Variants in HMGXB3 observed in about 807,000 individuals in gnomAD.
The protein encoded by HMGXB3 is HMG-box containing 3.
In HMGXB3, 45 loss-of-function variants were observed where a neutral mutation model predicts 121.5. The ratio of observed to expected loss-of-function variants is 0.37; its 90% confidence interval spans 0.29 to 0.47. HMGXB3 has a LOEUF of 0.47. HMGXB3 is among the 20% of genes least tolerant of loss of function. HMGXB3 has a pLI of 0.99. For synonymous variants in HMGXB3, 590 were observed against 624.1 expected (o/e 0.95, Z 0.81); for missense variants, 1,376 against 1,602.2 (o/e 0.86, Z 2.41).
At chr5:150,033,842 C>T (rs1561875115) in intron 11 of HMGXB3, among the ~76,000 whole-genome samples, 1 of 152,018 alleles carries the variant, frequency 6.6e-6, no homozygotes. Flanking sequence ...CCCTGGTCTC[C>T]AGAGTCTGTT....
rs1756166095 is a variant in HMGXB3, at chr5:150,024,168, T to G, written c.1042-94T>G. ...CTTTCATGGACCTTAGTTTCCTTATTTATTGCCCATATGTTATTAAAAATG... is the reference window on the plus strand; with the variant it reads ...CTTTCATGGACCTTAGTTTCCTTATGTATTGCCCATATGTTATTAAAAATG... On this transcript the variant is annotated intron_variant, in intron 6 of 19. Transcript: ENST00000502717. 4.9e-6 allele frequency: 5 copies of G among 1,013,084 alleles called. No individual in the cohort carries two copies. The South Asian group carries it at 7.4e-5, about 15-fold the overall frequency. 62.8% of individuals were successfully genotyped at this position (1,013,084 alleles called of 1,614,324 possible). A position where few individuals can be genotyped will look rare whatever the true frequency, so the allele number is the denominator to read the frequency against.
Position 150,010,435 on chromosome 5 carries a change from G to T in HMGXB3, c.637G>T (p.Asp213Tyr). ...EIATSEILSQ[D>Y]VLLEDASLEV... ...TGCCACCTCAGAGATCCTCAGCCAG[G>T]ATGTGCTCCTAGAGGACGCTTCCCT... The change falls in exon 4 of 20, where the codon GAT becomes TAT. Residue 213 changes from aspartate (D) to tyrosine (Y), a missense_variant. By Grantham distance (160) the Asp-to-Tyr change is radical. Around this residue, in one of 2 missense-constraint regions of HMGXB3, gnomAD observed 1,116 missense variants for 1,369.0 expected, o/e 0.82. Transcript: ENST00000502717. 6.4e-7 allele frequency: 1 copy of T among 1,551,676 alleles called. No individual in the cohort carries two copies. The highest frequency in any genetic ancestry group is 2.4e-5 in the East Asian group (1 of 40,916).
At chr5:150,045,749 C>T in intron 16 of HMGXB3, 64 bp downstream of exon 16, 1 of 1,309,554 alleles carries the variant, frequency 7.6e-7, no homozygotes, top group Non-Finnish European at 1.1e-6. Context: ...GGGACATTGT[C>T]CATGGCAAGA....
At position 150,010,206 on chromosome 5, in the gene HMGXB3, C is replaced by T; in HGVS notation, c.408C>T (p.Ser136=). Residue 136 remains serine (S), a synonymous_variant, in exon 4 of 20, where the codon AGC becomes AGT. Coordinates refer to ENST00000502717, the MANE Select transcript of HMGXB3 (RefSeq NM_014983.3). ...PRSDYIIIPK[S]SLQEDRSCPQ... Reference sequence around the variant, plus strand: ...CAGATTATATCATCATCCCCAAGAGCAGCCTGCAGGAGGACCGGAGCTGCC... The same window carrying T: ...CAGATTATATCATCATCCCCAAGAGTAGCCTGCAGGAGGACCGGAGCTGCC... 6.4e-7 allele frequency: 1 copy of T among 1,551,874 alleles called. No individual in the cohort carries two copies. The highest frequency in any genetic ancestry group is 1.7e-4 in the Middle Eastern group (1 of 5,992).
rs142315810 is a variant in HMGXB3 at position 150,026,647 on chromosome 5, G to A, written c.1461-59G>A. ...TAAGAAAGCACTATGTAGAGATTGC[G>A]CTTTGGTTTTCTTCCCTTTGTTCCA... On this transcript the variant is annotated intron_variant, in intron 7 of 19. Transcript: ENST00000502717. 140 of 1,422,732 alleles carry A rather than the reference G, an allele frequency of 9.8e-5. No individual in the cohort carries two copies. In the East Asian group the frequency reaches 1.5e-3, roughly 16 times the overall value. The allele number at this position is 1,422,732 out of a possible 1,614,324, so 88.1% of individuals were successfully genotyped here.
chr5:150,052,384 G>T lies in HMGXB3; in HGVS notation c.*192G>T. On this transcript the variant is annotated 3_prime_UTR_variant, in exon 20 of 20. Coordinates refer to ENST00000502717, the MANE Select transcript of HMGXB3 (RefSeq NM_014983.3). ...GTCCTCAGTTCTCAACCCTCCAGGGGTCAGGAGTGGTACCAGGAAACCTCT... is the reference window on the plus strand; with the variant it reads ...GTCCTCAGTTCTCAACCCTCCAGGGTTCAGGAGTGGTACCAGGAAACCTCT... 1 of 585,608 alleles carries T rather than the reference G, an allele frequency of 1.7e-6. No individual in the cohort carries two copies. Among genetic ancestry groups the T allele is most frequent in the East Asian group, 2.8e-5 (1 of 35,808 alleles). The allele number at this position is 585,608 out of a possible 1,614,324, so 36.3% of individuals were successfully genotyped here. A position where few individuals can be genotyped will look rare whatever the true frequency, so the allele number is the denominator to read the frequency against.
At chr5:150,032,162 CT>C (rs1283963995) in intron 10 of HMGXB3, among the ~76,000 whole-genome samples, 2 of 152,238 alleles carry the variant, frequency 1.3e-5, no homozygotes, top group African/African-American at 4.8e-5. Context: ...ACCTGCTTTA[CT>C]CCACCAACTG....
intron 7 of HMGXB3, among the ~76,000 whole-genome samples, chr5:150,025,093 G>C (rs764924289): frequency 3.3e-5 from 5 of 152,156 alleles, no homozygotes; most frequent in Non-Finnish European, 5.9e-5. Flanking sequence ...GTTTGACTTT[G>C]GGCATTGTCA....
rs1371876499 is a variant in HMGXB3, at chr5:150,051,929, T to C, written c.3616T>C (p.Ser1206Pro). 1.3e-6 allele frequency: 2 copies of C among 1,552,266 alleles called. No individual in the cohort carries two copies. The highest frequency in any genetic ancestry group is 8.7e-7 in the Non-Finnish European group (1 of 1,147,130). The change falls in exon 20 of 20, where the codon TCC becomes CCC. Residue 1206 changes from serine to proline, a missense_variant. Around this residue, in one of 2 missense-constraint regions of HMGXB3, gnomAD observed 260 missense variants for 233.2 expected, o/e 1.11. Transcript: ENST00000502717. ...ELAPYATILA[S>P]IVDSKPNGVR... Reference sequence around the variant, plus strand: ...GGCACCTTACGCAACCATCCTGGCCTCCATCGTGGACAGCAAACCAAACGG... The same window carrying C: ...GGCACCTTACGCAACCATCCTGGCCCCCATCGTGGACAGCAAACCAAACGG...
chr5:150,028,559 ATTTTTTTT>A (rs55858256), intron 9 of HMGXB3, among the ~76,000 whole-genome samples: 38 of 38,898 alleles, frequency 9.8e-4, no homozygotes, highest in African/African-American at 4.5e-3. Flanking sequence ...ATATATATAT[ATTTTTTTT>A]TTTTTTTTTT....
intron 19 of HMGXB3, among the ~76,000 whole-genome samples, chr5:150,051,501 C>T (rs891053585): frequency 3.9e-5 from 6 of 152,186 alleles, no homozygotes; most frequent in African/African-American, 1.4e-4. Context: ...GCAATAATAG[C>T]ATAAGTAATC....
chr5:150,023,548 A>G (rs1001054788), intron 6 of HMGXB3, among the ~76,000 whole-genome samples: 5 of 152,234 alleles, frequency 3.3e-5, no homozygotes, highest in Non-Finnish European at 5.9e-5. Context: ...GTATGTGTGT[A>G]TATATAATAC....
At chr5:150,035,566 T>C (rs766087403) in intron 11 of HMGXB3, among the ~76,000 whole-genome samples, 1 of 152,240 alleles carries the variant, frequency 6.6e-6, no homozygotes, top group Non-Finnish European at 1.5e-5. Flanking sequence ...CAGTATCTTA[T>C]GTGTGTCTCA....
Position 150,041,939 on chromosome 5 carries a change from A to G in HMGXB3, c.2700A>G (p.Glu900=), listed in dbSNP as rs2276982. ...APKVEMAQRS[E]ENVLALKSVE... ...AAGTGGAAATGGCTCAGAGGAGTGA[A>G]GAGAATGTGCTAGCACTGAAGAGCG... Residue 900 remains glutamate, a synonymous_variant, in exon 15 of 20, where the codon GAA becomes GAG. Transcript: ENST00000502717. 0.14 allele frequency: 215,406 copies of G among 1,551,208 alleles called. 24,784 individuals are homozygous for G. The highest frequency in any genetic ancestry group is 0.59 in the African/African-American group (42,795 of 73,038).
intron 13 of HMGXB3, among the ~76,000 whole-genome samples, chr5:150,040,521 A>G (rs1756604876): frequency 6.6e-6 from 1 of 151,232 alleles, no homozygotes; most frequent in African/African-American, 2.4e-5. Flanking sequence ...GACTACAGGC[A>G]TGAGATTACA....
chr5:150,022,365 TG>T (rs1756117504), intron 6 of HMGXB3, among the ~76,000 whole-genome samples: 1 of 152,226 alleles, frequency 6.6e-6, no homozygotes, highest in African/African-American at 2.4e-5. Flanking sequence ...TAGTTCCCAA[TG>T]AGTTGGATAA....
chr5:150,017,760 A>G (rs1317324339), intron 5 of HMGXB3, among the ~76,000 whole-genome samples: 1 of 152,236 alleles, frequency 6.6e-6, no homozygotes, highest in Admixed American at 6.5e-5. Context: ...CATATGTGAC[A>G]GAACAAATAT....
chr5:150,041,955 C>G lies in HMGXB3; in HGVS notation c.2716C>G (p.Leu906Val). 6.4e-7 allele frequency: 1 copy of G among 1,551,466 alleles called. No individual in the cohort carries two copies. Among genetic ancestry groups the G allele is most frequent in the Non-Finnish European group, 8.7e-7 (1 of 1,146,862 alleles). Reference sequence around the variant, plus strand: ...GAGGAGTGAAGAGAATGTGCTAGCACTGAAGAGCGTGGAGGTAAGTGCCTC... The same window carrying G: ...GAGGAGTGAAGAGAATGTGCTAGCAGTGAAGAGCGTGGAGGTAAGTGCCTC... Reference protein sequence around the residue: ...AQRSEENVLALKSVEFTWPEF... With the variant: ...AQRSEENVLAVKSVEFTWPEF... Residue 906 changes from leucine (L) to valine (V), a missense_variant, in exon 15 of 20, where the codon CTG becomes GTG. This residue lies in a region of HMGXB3 where 1,116 missense variants were observed against 1,369.0 expected (regional missense o/e 0.82). Coordinates refer to ENST00000502717, the MANE Select transcript of HMGXB3 (RefSeq NM_014983.3).
chr5:150,052,474 CT>C lies in HMGXB3; in HGVS notation c.*283del. 1 of 427,532 alleles carries C rather than the reference CT, an allele frequency of 2.3e-6. No homozygotes were observed. Among genetic ancestry groups the C allele is most frequent in the Non-Finnish European group, 4.3e-6 (1 of 234,460 alleles). The allele number at this position is 427,532 out of a possible 1,614,324, so 26.5% of individuals were successfully genotyped here. A position where few individuals can be genotyped will look rare whatever the true frequency, so the allele number is the denominator to read the frequency against. On this transcript the variant is annotated 3_prime_UTR_variant, in exon 20 of 20. Coordinates refer to ENST00000502717, the MANE Select transcript of HMGXB3 (RefSeq NM_014983.3). ...AATGGAGGGGAGGCTGAGGGAAAGG[CT>C]CGTAGCTGGTGGGTTCCGTGGGGCC...
Sources: allele counts gnomAD v4.1 joint callset (sites outside exome capture counted in the v4.1 genomes callset), GRCh38; gene constraint gnomAD v4.1.1; regional missense constraint gnomAD v4.1.1; transcripts MANE v1.5; gene names NCBI Gene and HGNC (gene_info 2026-07-23, HGNC 2026-07-21).